NTMT1: variants seen among roughly 807,000 people sequenced by gnomAD.
NTMT1 encodes N-terminal Xaa-Pro-Lys N-methyltransferase 1.
NTMT1 carries 8 observed loss-of-function variants against 17.5 expected under a neutral mutation model. The ratio of observed to expected loss-of-function variants is 0.46; its 90% CI spans 0.27 to 0.82. The LOEUF is 0.82. Ranked by LOEUF, NTMT1 falls within the 40% of genes least tolerant of loss-of-function variation. The pLI is 0.15. For synonymous variants in NTMT1, 128 were observed against 126.8 expected (o/e 1.01, Z -0.06); for missense variants, 221 against 303.5 (o/e 0.73, Z 2.02).
Position 129,620,310 on chromosome 9 carries a change from G to T in NTMT1, c.-55+11132G>T. Reference sequence around the variant, plus strand: ...AGCAGCCCCCGCTTCCGCACGGCCCGCCGGGTCGCGGTGAGCAAGGCGGGC... The same window carrying T: ...AGCAGCCCCCGCTTCCGCACGGCCCTCCGGGTCGCGGTGAGCAAGGCGGGC... On this transcript the variant is annotated intron_variant, in intron 1 of 3. Coordinates refer to the NTMT1 transcript ENST00000372486. This position sits in a 1 kb window ranked among gnomAD's most constrained non-coding sequence, Gnocchi z 5.8. 8.0e-7 allele frequency: 1 copy of T among 1,244,002 alleles called. No individual in the cohort carries two copies. The highest frequency in any genetic ancestry group is 1.0e-6 in the Non-Finnish European group (1 of 991,868). The allele number at this position is 1,244,002 out of a possible 1,614,324, so 77.1% of individuals were successfully genotyped here. A position where few individuals can be genotyped will look rare whatever the true frequency, so the allele number is the denominator to read the frequency against.
chr9:129,631,073 G>A (rs1588138689), intron 1 of NTMT1, among the ~76,000 whole-genome samples: 1 of 152,148 alleles, frequency 6.6e-6, no homozygotes, highest in Admixed American at 6.5e-5. Flanking sequence ...CCCTCTGATG[G>A]CCCATGCTGT....
At chr9:129,612,228 T>C in intron 1 of NTMT1, 1 of 772,026 alleles carries the variant, frequency 1.3e-6, no homozygotes, top group Non-Finnish European at 2.1e-6. Context: ...GAAAGGCTTG[T>C]GGTGTGACAC....
At chr9:129,611,202 C>A (rs1382908437) in intron 1 of NTMT1, among the ~76,000 whole-genome samples, 1 of 152,200 alleles carries the variant, frequency 6.6e-6, no homozygotes, top group African/African-American at 2.4e-5. Context: ...TTAAACAAGG[C>A]GCCAGGGTGT....
At chr9:129,609,656 A>T (rs1182902612) in intron 1 of NTMT1, among the ~76,000 whole-genome samples, 3 of 151,198 alleles carry the variant, frequency 2.0e-5, no homozygotes, top group African/African-American at 7.3e-5. Flanking sequence ...TCTGCCAAAG[A>T]GGGTGAGAGA....
chr9:129,621,252 G>C (rs1050583787), upstream of NTMT1, among the ~76,000 whole-genome samples: 1 of 152,192 alleles, frequency 6.6e-6, no homozygotes, highest in African/African-American at 2.4e-5. Flanking sequence ...GAGACCCCTG[G>C]GTGGGGAGCC....
chr9:129,615,422 C>T (rs1484097062), intron 1 of NTMT1: 7 of 1,478,092 alleles, frequency 4.7e-6, no homozygotes, highest in African/African-American at 1.4e-5. Context: ...GGAGCTACAG[C>T]CTCTCTGCCC....
At position 129,614,114 on chromosome 9, in the gene NTMT1, C is replaced by T. The variant is rs920778592; in HGVS notation, c.-55+4936C>T. ...AGCTCCTTATGGCCAGTGGCTGACACGGAATCATCTCCTGTATGCACCAAC... is the reference window on the plus strand; with the variant it reads ...AGCTCCTTATGGCCAGTGGCTGACATGGAATCATCTCCTGTATGCACCAAC... On this transcript the variant is annotated intron_variant, in intron 1 of 3. Coordinates refer to the NTMT1 transcript ENST00000372486. The surrounding 1 kb of genome is among the most constrained non-coding windows in gnomAD (Gnocchi z 4.4). 3.9e-5 allele frequency among the ~76,000 whole-genome samples: 6 copies of T among 152,192 alleles called. No homozygotes were observed. Among genetic ancestry groups the T allele is most frequent in the African/African-American group, 1.2e-4 (5 of 41,434 alleles).
At chr9:129,612,236 C>T (rs1830129181) in intron 1 of NTMT1, 1 of 838,670 alleles carries the variant, frequency 1.2e-6, no homozygotes, top group African/African-American at 1.7e-5. Context: ...TGTGGTGTGA[C>T]ACCTACTGGC....
chr9:129,617,348 C>T (rs923709517), intron 1 of NTMT1, among the ~76,000 whole-genome samples: 2 of 152,246 alleles, frequency 1.3e-5, no homozygotes, highest in African/African-American at 2.4e-5. Context: ...TCAGGAACCC[C>T]TGCTCTCTGC....
At chr9:129,629,258 G>T (rs115050636) in intron 1 of NTMT1, among the ~76,000 whole-genome samples, 155 of 152,228 alleles carry the variant, frequency 1.0e-3, no homozygotes, top group African/African-American at 3.5e-3. Context: ...TGGTCCTTAC[G>T]CCATCAGACC....
intron 1 of NTMT1, among the ~76,000 whole-genome samples, chr9:129,626,988 G>C (rs1359822412): frequency 6.6e-6 from 1 of 152,238 alleles, no homozygotes; most frequent in East Asian, 1.9e-4. Flanking sequence ...TGGTTGTGGT[G>C]TGTAGAATGA....
Position 129,634,173 on chromosome 9 carries a change from G to C in NTMT1, c.282G>C (p.Glu94Asp). The C allele has an allele frequency of 1.2e-6, 2 of 1,614,180 alleles. No individual in the cohort carries two copies. Among genetic ancestry groups the C allele is most frequent in the Non-Finnish European group, 1.7e-6 (2 of 1,180,036 alleles). The change falls in exon 3 of 4, where the codon GAG (glutamate) becomes GAC (aspartate). Residue 94 changes from glutamate to aspartate, a missense_variant. Physicochemically the swap from Glu to Asp is conservative, Grantham distance 45 (BLOSUM62 2). Transcript: ENST00000372483. ...FREVDMVDIT[E>D]DFLVQAKTYL... Reference sequence around the variant, plus strand: ...AGGTGGATATGGTCGACATAACGGAGGACTTCCTGGTTCAAGCCAAGACCT... The same window carrying C: ...AGGTGGATATGGTCGACATAACGGACGACTTCCTGGTTCAAGCCAAGACCT...
intron 2 of NTMT1, chr9:129,633,143 G>A (rs765349890): frequency 4.5e-5 from 22 of 488,636 alleles, no homozygotes; most frequent in Non-Finnish European, 6.5e-5. Flanking sequence ...GGTTTTGCCA[G>A]GGACGAAACC....
At chr9:129,631,124 CTCCCTG>C (rs1339212852) in intron 1 of NTMT1, among the ~76,000 whole-genome samples, 1 of 152,264 alleles carries the variant, frequency 6.6e-6, no homozygotes, top group African/African-American at 2.4e-5. Flanking sequence ...CCCTCCAGCA[CTCCCTG>C]TGCTTGGCTG....
upstream of NTMT1, among the ~76,000 whole-genome samples, chr9:129,623,736 G>T (rs1287468608): frequency 7.0e-6 from 1 of 142,818 alleles, no homozygotes; most frequent in Non-Finnish European, 1.5e-5. Flanking sequence ...GGGGGAGGGA[G>T]ATATTTTTGT....
Position 129,632,683 on chromosome 9 carries a change from A to T in NTMT1, c.-21A>T. 6.2e-7 allele frequency: 1 copy of T among 1,613,324 alleles called. No individual in the cohort carries two copies. The highest frequency in any genetic ancestry group is 8.5e-7 in the Non-Finnish European group (1 of 1,179,378). On this transcript the variant is annotated 5_prime_UTR_variant, in exon 2 of 4. Coordinates refer to ENST00000372483, the MANE Select transcript of NTMT1 (RefSeq NM_014064.4). ...CGGTTGCTGATCGTGGTGCTTGAGT[A>T]GAGCCGTGGTTGGTGACAGCATGAC...
chr9:129,615,430 C>T, intron 1 of NTMT1: 2 of 1,495,222 alleles, frequency 1.3e-6, no homozygotes, highest in Non-Finnish European at 1.8e-6. Context: ...AGCCTCTCTG[C>T]CCTCCTGGCT....
chr9:129,629,376 G>A (rs1371177511), intron 1 of NTMT1, among the ~76,000 whole-genome samples: 1 of 102,606 alleles, frequency 9.7e-6, no homozygotes, highest in African/African-American at 3.8e-5. Flanking sequence ...AGGTCTGGTG[G>A]GAAGAAGAAT....
intron 1 of NTMT1, chr9:129,619,943 AGATACTCAG>A (rs1830592839): frequency 6.7e-7 from 1 of 1,493,474 alleles, no homozygotes; most frequent in Non-Finnish European, 9.2e-7. Context: ...GAGGGCTCTG[AGATACTCAG>A]CTAACATTAG....
Sources: allele counts gnomAD v4.1 joint callset (sites outside exome capture counted in the v4.1 genomes callset), GRCh38; gene constraint gnomAD v4.1.1; non-coding constraint Gnocchi (gnomAD v3.1); transcripts MANE v1.5; gene names NCBI Gene and HGNC (gene_info 2026-07-23, HGNC 2026-07-21).